The following ARMCX4 variants were observed in gnomAD, a reference collection of about 807,000 sequenced individuals.
ARMCX4 encodes the protein armadillo repeat containing X-linked 4, also known as armadillo repeat-containing X-linked protein 4.
Under a neutral mutation model 34.7 loss-of-function variants are expected in ARMCX4, and 3 were observed. The observed-to-expected ratio is 0.09, with a 90% CI of 0.04 to 0.22. The LOEUF (loss-of-function observed/expected upper bound fraction) is 0.22, where lower values mean the gene tolerates loss of function less well. Ranked by LOEUF, ARMCX4 falls within the 10% of genes least tolerant of loss-of-function variation. The probability of loss-of-function intolerance (pLI) is 1.00; values close to 1 mark genes in which losing one functional copy is unlikely to be tolerated. For missense variants in ARMCX4, 1,448 were observed against 1,720.8 expected, an observed-to-expected ratio of 0.84 and a Z score of 2.81; for synonymous variants, 513 against 632.8, an observed-to-expected ratio of 0.81 and a Z score of 2.84.
At chrX:101,506,160 C>T (rs1220691988) in intron 8 of ARMCX4, among the ~76,000 whole-genome samples, 2 of 112,152 alleles carry the variant, frequency 1.8e-5, no homozygotes, top group Non-Finnish European at 3.8e-5. Flanking sequence ...GTTTTCATCT[C>T]CCAAACTGAA....
chrX:101,484,963 A>G (rs983988726), upstream of ARMCX4, among the ~76,000 whole-genome samples: 1 of 111,711 alleles, frequency 9.0e-6, no homozygotes, highest in South Asian at 3.8e-4. Flanking sequence ...CTCTACTTGC[A>G]CCTTCTGCTT....
intron 11 of ARMCX4, among the ~76,000 whole-genome samples, chrX:101,513,658 G>T (rs1337921169): frequency 2.7e-5 from 3 of 111,390 alleles, no homozygotes; most frequent in Non-Finnish European, 5.7e-5. Context: ...TTGGTTATGT[G>T]GTCATAGCTG....
downstream of ARMCX4, among the ~76,000 whole-genome samples, chrX:101,451,612 A>C (rs1249772624): frequency 9.0e-6 from 1 of 111,137 alleles, no homozygotes; most frequent in Non-Finnish European, 1.9e-5. Context: ...TGTTGGGGAG[A>C]TGATCAGTGG....
At chrX:101,466,366 A>G (rs964492936) in intron 4 of ARMCX4, among the ~76,000 whole-genome samples, 8 of 111,720 alleles carry the variant, frequency 7.2e-5, no homozygotes, top group Non-Finnish European at 1.3e-4. Context: ...CATGTGACTC[A>G]ACAATCCCAC....
intron 11 of ARMCX4, among the ~76,000 whole-genome samples, chrX:101,512,152 T>C (rs1556016464): frequency 1.8e-5 from 2 of 110,694 alleles, no homozygotes; most frequent in African/African-American, 6.6e-5. Context: ...GAGGCTGAGG[T>C]GGATGGATCA....
intron 11 of ARMCX4, chrX:101,524,422 T>A (rs1934919961): frequency 1.8e-5 from 2 of 111,821 alleles, no homozygotes; most frequent in South Asian, 7.5e-4. Flanking sequence ...ATTTCTGCAT[T>A]TCCAACTGAG....
intron 11 of ARMCX4, among the ~76,000 whole-genome samples, chrX:101,530,305 C>T (rs1383864114): frequency 7.2e-5 from 8 of 110,587 alleles, no homozygotes; most frequent in East Asian, 2.8e-4. Context: ...GGACACACGG[C>T]GGGGAACATC....
chrX:101,523,164 C>T (rs1934890640), intron 11 of ARMCX4, among the ~76,000 whole-genome samples: 1 of 112,019 alleles, frequency 8.9e-6, no homozygotes, highest in South Asian at 3.7e-4. Flanking sequence ...GGGACTTAAA[C>T]ACAACTTCTG....
intron 4 of ARMCX4, among the ~76,000 whole-genome samples, chrX:101,470,594 T>G (rs1230545610): frequency 8.9e-6 from 1 of 112,128 alleles, no homozygotes; most frequent in Non-Finnish European, 1.9e-5. Flanking sequence ...GCTGGGATTA[T>G]AGGTGTGAGC....
chrX:101,519,379 A>AT (rs1358590877), intron 11 of ARMCX4, among the ~76,000 whole-genome samples: 9 of 111,435 alleles, frequency 8.1e-5, no homozygotes, highest in Non-Finnish European at 1.3e-4. Context: ...TTCTGAGTTT[A>AT]ACTATTTTAG....
At chrX:101,526,873 A>G (rs1934987700) in intron 11 of ARMCX4, among the ~76,000 whole-genome samples, 1 of 111,575 alleles carries the variant, frequency 9.0e-6, no homozygotes, top group Admixed American at 9.5e-5. Context: ...ACTCACACAC[A>G]ATAATAATGG....
At chrX:101,433,087 T>TAC (rs1930336305) in intron 2 of ARMCX4, among the ~76,000 whole-genome samples, 1 of 109,595 alleles carries the variant, frequency 9.1e-6, no homozygotes, top group Non-Finnish European at 1.9e-5. Flanking sequence ...TATGTATACA[T>TAC]ATATGTGTAT....
downstream of ARMCX4, among the ~76,000 whole-genome samples, chrX:101,450,064 G>A (rs1471172467): frequency 2.7e-5 from 3 of 112,144 alleles, no homozygotes; most frequent in African/African-American, 9.7e-5. Context: ...GACAAACAGA[G>A]TCTCTTTCTT....
intron 11 of ARMCX4, among the ~76,000 whole-genome samples, chrX:101,523,269 T>C (rs1310397881): frequency 3.6e-5 from 4 of 111,823 alleles, no homozygotes; most frequent in African/African-American, 1.3e-4. Context: ...CCTGGAAGTC[T>C]AGAAGAATGT....
At chrX:101,525,001 G>A (rs1282631922) in intron 11 of ARMCX4, among the ~76,000 whole-genome samples, 1 of 111,962 alleles carries the variant, frequency 8.9e-6, no homozygotes, top group Non-Finnish European at 1.9e-5. Flanking sequence ...TCCTCAAGTG[G>A]GTCCCTGACT....
At chrX:101,478,346 T>C (rs1933292212) in intron 4 of ARMCX4, among the ~76,000 whole-genome samples, 1 of 111,870 alleles carries the variant, frequency 8.9e-6, no homozygotes, top group South Asian at 3.7e-4. Flanking sequence ...GCACCAGCAA[T>C]ACACAAATGG....
rs1556007626 is a variant in ARMCX4 at position 101,488,798 on chromosome X, A to G, written c.209A>G (p.Gln70Arg). ...INEAEIKTKPQVEIGAETGAR... is the reference protein window; with the variant it reads ...INEAEIKTKPRVEIGAETGAR... The stretch of plus-strand genomic sequence containing the variant: ...GAAGCAGAGATTAAGACTAAACCCC[A>G]AGTCGAGATTGGAGCAGAAACTGGA... The change falls in exon 6 of 6, where the codon CAA (glutamine) becomes CGA (arginine). Residue 70 changes from glutamine (Q) to arginine (R), a missense_variant. This residue lies in a region of ARMCX4 where 1,343 missense variants were observed against 1,540.7 expected (regional missense o/e 0.87). Coordinates refer to ENST00000423738, the MANE Select transcript of ARMCX4 (RefSeq NM_001256155.3). 8.6e-7 allele frequency: 1 copy of G among 1,156,370 alleles called. No homozygotes were observed. The highest frequency in any genetic ancestry group is 2.6e-5 in the Admixed American group (1 of 38,762).
intron 4 of ARMCX4, among the ~76,000 whole-genome samples, chrX:101,462,186 G>A (rs1268064890): frequency 1.2e-4 from 13 of 112,032 alleles, no homozygotes; most frequent in Middle Eastern, 4.6e-3. Context: ...CTATACAGTA[G>A]TAAATTACGT....
At chrX:101,422,818 C>G (rs1310038920) in intron 2 of ARMCX4, among the ~76,000 whole-genome samples, 1 of 111,408 alleles carries the variant, frequency 9.0e-6, no homozygotes, top group Non-Finnish European at 1.9e-5. Context: ...TCGGTTAGGT[C>G]TGATTTCTTT....
Sources: allele counts gnomAD v4.1 joint callset (sites outside exome capture counted in the v4.1 genomes callset), GRCh38; gene constraint gnomAD v4.1.1; regional missense constraint gnomAD v4.1.1; transcripts MANE v1.5; gene names NCBI Gene and HGNC (gene_info 2026-07-23, HGNC 2026-07-21).